Variants in LUZP1 observed in about 807,000 individuals in gnomAD.
The protein encoded by LUZP1 is leucine zipper protein 1.
LUZP1 carries 25 observed loss-of-function variants against 71.3 expected under a neutral mutation model. The ratio of observed to expected loss-of-function variants is 0.35; its 90% confidence interval spans 0.26 to 0.49. LUZP1 has a LOEUF of 0.49. Among genes scored for constraint, LUZP1 ranks in the 20% least tolerant of loss-of-function variants. LUZP1 has a pLI of 0.99. For synonymous variants in LUZP1, 481 were observed against 506.4 expected (o/e 0.95, Z 0.67); for missense variants, 1,142 against 1,300.8 (o/e 0.88, Z 1.88).
Position 23,093,650 on chromosome 1 carries a change from C to T in LUZP1, c.612G>A (p.Glu204=), listed in dbSNP as rs1643876802. 1 of 1,610,666 alleles carries T rather than the reference C, an allele frequency of 6.2e-7. No homozygotes were observed. Among genetic ancestry groups the T allele is most frequent in the African/African-American group, 1.3e-5 (1 of 74,542 alleles). Residue 204 remains glutamate, a synonymous_variant, in exon 4 of 5, where the codon GAG becomes GAA. Coordinates refer to ENST00000302291, the Ensembl canonical transcript of LUZP1. The surrounding 1 kb of genome is among the most constrained non-coding windows in gnomAD (Gnocchi z 4.2). ...CTTTTATCAATTTCTCATTTTCTTTCTCCTTTTCATTCAAGTATTTTCTCT... is the reference window on the plus strand; with the variant it reads ...CTTTTATCAATTTCTCATTTTCTTTTTCCTTTTCATTCAAGTATTTTCTCT...
At chr1:23,127,508 T>C (rs1644181194) in intron 2 of LUZP1, among the ~76,000 whole-genome samples, 2 of 152,162 alleles carry the variant, frequency 1.3e-5, no homozygotes. Context: ...GCTCCAATTT[T>C]AGTTTTGTTT....
intron 2 of LUZP1, among the ~76,000 whole-genome samples, chr1:23,167,297 C>A (rs1233507227): frequency 1.3e-5 from 2 of 152,152 alleles, no homozygotes. Flanking sequence ...TGACACCAGT[C>A]CAGCTCCTTA....
intron 2 of LUZP1, among the ~76,000 whole-genome samples, chr1:23,115,310 C>T (rs1215692613): frequency 6.6e-6 from 1 of 152,150 alleles, no homozygotes; most frequent in Non-Finnish European, 1.5e-5. Context: ...TTTTAGGAAG[C>T]TAGTAACAGA....
chr1:23,139,770 A>T (rs1232001638), intron 2 of LUZP1, among the ~76,000 whole-genome samples: 1 of 152,098 alleles, frequency 6.6e-6, no homozygotes, highest in Non-Finnish European at 1.5e-5. Flanking sequence ...CAACATAGCA[A>T]GACCTCGTCT....
rs138159633 is a variant in LUZP1 at position 23,174,575 on chromosome 1, C to T, written c.-485+2916G>A. 3.4e-3 allele frequency among the ~76,000 whole-genome samples: 516 copies of T among 152,296 alleles called. 6 individuals carry two copies. Among genetic ancestry groups the T allele is most frequent in the Non-Finnish European group, 5.3e-3 (360 of 68,020 alleles). The stretch of plus-strand genomic sequence containing the variant: ...CCAAAGAATCACAATATGTCAGCAC[C>T]TTGTGTCTACCATGTCTAAACTTGC... On this transcript the variant is annotated intron_variant, in intron 1 of 4. Coordinates refer to ENST00000302291, the Ensembl canonical transcript of LUZP1.
chr1:23,158,936 CAAA>C (rs1165897572), intron 2 of LUZP1, among the ~76,000 whole-genome samples: 8 of 56,218 alleles, frequency 1.4e-4, no homozygotes, highest in Admixed American at 3.9e-4. Flanking sequence ...GACTCCATCT[CAAA>C]AAAAAAAAAA....
chr1:23,137,985 T>C (rs1218707236), intron 2 of LUZP1, among the ~76,000 whole-genome samples: 1 of 152,240 alleles, frequency 6.6e-6, no homozygotes, highest in Admixed American at 6.5e-5. Context: ...TATTAATTTA[T>C]CTTGAGATGG....
intron 3 of LUZP1, among the ~76,000 whole-genome samples, chr1:23,104,184 C>CTT (rs1184690521): frequency 1.4e-5 from 2 of 143,210 alleles, no homozygotes; most frequent in Non-Finnish European, 1.5e-5. Flanking sequence ...TTTTCTTTTT[C>CTT]TTTTTTTTTT....
At chr1:23,126,208 C>T (rs891177407) in intron 2 of LUZP1, among the ~76,000 whole-genome samples, 4 of 152,174 alleles carry the variant, frequency 2.6e-5, no homozygotes, top group Non-Finnish European at 5.9e-5. Flanking sequence ...GACCCACTCC[C>T]CTCCCTTCTA....
At chr1:23,092,445 G>C (rs375157182) in exon 4 of LUZP1, 2 of 1,614,216 alleles carry the variant, frequency 1.2e-6, no homozygotes, top group Non-Finnish European at 1.7e-6. Context: ...ACAGCTATAA[G>C]GATACTTCGA....
At chr1:23,084,869 A>T (rs1320265818) in exon 5 of LUZP1, 2 of 152,344 alleles carry the variant, frequency 1.3e-5, no homozygotes, top group Non-Finnish European at 2.9e-5. Context: ...ACACAATGAA[A>T]TAAATAAATA....
At chr1:23,129,297 T>A (rs1029272326) in intron 2 of LUZP1, among the ~76,000 whole-genome samples, 24 of 152,284 alleles carry the variant, frequency 1.6e-4, no homozygotes, top group African/African-American at 5.8e-4. Flanking sequence ...AAGATGGCAA[T>A]GAGGCCAGGC....
At chr1:23,133,985 A>C (rs1297333987) in intron 2 of LUZP1, among the ~76,000 whole-genome samples, 1 of 152,166 alleles carries the variant, frequency 6.6e-6, no homozygotes, top group Non-Finnish European at 1.5e-5. Context: ...ATGTTATTAA[A>C]GATATACACA....
chr1:23,162,120 T>G (rs1372662515), intron 2 of LUZP1, among the ~76,000 whole-genome samples: 1 of 143,314 alleles, frequency 7.0e-6, no homozygotes, highest in Non-Finnish European at 1.5e-5. Flanking sequence ...TAGTGTTAAA[T>G]AAAAGGAGCC....
intron 2 of LUZP1, among the ~76,000 whole-genome samples, chr1:23,149,466 T>C (rs920072811): frequency 6.6e-6 from 1 of 152,090 alleles, no homozygotes; most frequent in Non-Finnish European, 1.5e-5. Flanking sequence ...TTTTAACTTA[T>C]AGTCAAAGAG....
intron 2 of LUZP1, among the ~76,000 whole-genome samples, chr1:23,134,064 C>T (rs1027327972): frequency 2.6e-5 from 4 of 152,314 alleles, no homozygotes; most frequent in African/African-American, 7.2e-5. Context: ...AACACAGCAA[C>T]GCCCATTTGT....
chr1:23,084,018 A>AAAG (rs1553133687), downstream of LUZP1: 4 of 152,162 alleles, frequency 2.6e-5, no homozygotes, highest in African/African-American at 7.2e-5. Context: ...GAGCTGAAAC[A>AAAG]AAGTCTGAGC....
At chr1:23,141,691 G>C (rs1644304269) in intron 2 of LUZP1, among the ~76,000 whole-genome samples, 1 of 151,982 alleles carries the variant, frequency 6.6e-6, no homozygotes, top group South Asian at 2.1e-4. Context: ...TAATTTTTGT[G>C]TTTTTTTGGA....
chr1:23,144,321 G>T (rs1399147038), intron 2 of LUZP1, among the ~76,000 whole-genome samples: 4 of 147,942 alleles, frequency 2.7e-5, no homozygotes, highest in African/African-American at 9.9e-5. Context: ...AAAATCAGGT[G>T]CTGACAGCTG....
Sources: gnomAD v4.1 joint callset for allele counts (sites outside exome capture counted in the v4.1 genomes callset) on GRCh38, gnomAD v4.1.1 for gene constraint, Gnocchi (gnomAD v3.1) non-coding constraint, MANE v1.5 for transcripts, NCBI Gene and HGNC (gene_info 2026-07-23, HGNC 2026-07-21) for gene names.